The following PPP2R5A variants were observed in gnomAD, a reference collection of about 807,000 sequenced individuals.
PPP2R5A encodes the protein protein phosphatase 2 regulatory subunit B'alpha, also known as serine/threonine-protein phosphatase 2A 56 kDa regulatory subunit alpha isoform.
Under a neutral mutation model 64.2 loss-of-function variants are expected in PPP2R5A, and 25 were observed. The ratio of observed to expected loss-of-function variants is 0.39; its 90% CI spans 0.28 to 0.54. The LOEUF is 0.54. Among genes scored for constraint, PPP2R5A ranks in the 20% least tolerant of loss-of-function variants. The probability of loss-of-function intolerance (pLI) is 0.67; values close to 1 mark genes in which losing one functional copy is unlikely to be tolerated. For synonymous variants in PPP2R5A, 198 were observed against 201.2 expected (o/e 0.98, Z 0.13); for missense variants, 425 against 576.3 (o/e 0.74, Z 2.69).
At chr1:212,358,616 G>A in intron 11 of PPP2R5A, 70 bp from the exon 12 acceptor site, 1 of 1,141,836 alleles carries the variant, frequency 8.8e-7, no homozygotes, top group Admixed American at 2.1e-5. Context: ...ACCCATTTTA[G>A]AGACCATAGT....
At chr1:212,339,802 A>G (rs1390955783) in intron 3 of PPP2R5A, among the ~76,000 whole-genome samples, 2 of 152,110 alleles carry the variant, frequency 1.3e-5, no homozygotes, top group Non-Finnish European at 2.9e-5. Flanking sequence ...CTTAAACCCT[A>G]TATTTCTGAT....
At chr1:212,292,183 C>T (rs1039900638) in intron 1 of PPP2R5A, among the ~76,000 whole-genome samples, 3 of 152,142 alleles carry the variant, frequency 2.0e-5, no homozygotes, top group African/African-American at 7.2e-5. Flanking sequence ...AACTTTTTAT[C>T]GAAGGCAGGG....
At chr1:212,318,193 G>A (rs1659196012) in intron 1 of PPP2R5A, among the ~76,000 whole-genome samples, 1 of 152,122 alleles carries the variant, frequency 6.6e-6, no homozygotes, top group Admixed American at 6.5e-5. Flanking sequence ...TCAAGTGGCA[G>A]TCATAATAAA....
At chr1:212,360,303 T>A (rs527336266) in intron 12 of PPP2R5A, among the ~76,000 whole-genome samples, 1 of 152,314 alleles carries the variant, frequency 6.6e-6, no homozygotes, top group South Asian at 2.1e-4. Flanking sequence ...TTTGTAATAC[T>A]GATTAGACTA....
chr1:212,341,102 TA>T (rs940723381), intron 3 of PPP2R5A, among the ~76,000 whole-genome samples: 2 of 151,718 alleles, frequency 1.3e-5, no homozygotes, highest in East Asian at 1.9e-4. Context: ...TAGGTTACAA[TA>T]AAAAAAAACT....
chr1:212,316,446 C>T (rs950181655), intron 1 of PPP2R5A, among the ~76,000 whole-genome samples: 1 of 152,142 alleles, frequency 6.6e-6, no homozygotes, highest in Admixed American at 6.5e-5. Context: ...AATGCCCTTC[C>T]TGAACCTCTG....
rs1558153730 is a variant in PPP2R5A, at chr1:212,348,371, GC to G, written c.765-16del. 6.6e-7 allele frequency: 1 copy of G among 1,515,462 alleles called. No homozygotes were observed. The highest frequency in any genetic ancestry group is 9.2e-7 in the Non-Finnish European group (1 of 1,092,578). The allele number at this position is 1,515,462 out of a possible 1,614,324, so 93.9% of individuals were successfully genotyped here. ...GTAGTAACTACTTAACCCTTCCCCT[GC>G]CTTTTTTTCCCTCCAGTATTATCAA... On this transcript the variant is annotated splice_polypyrimidine_tract_variant and intron_variant, in intron 6 of 12. Transcript: ENST00000261461.
At chr1:212,290,130 G>A (rs901359127) in intron 1 of PPP2R5A, among the ~76,000 whole-genome samples, 2 of 152,110 alleles carry the variant, frequency 1.3e-5, no homozygotes, top group South Asian at 2.1e-4. Flanking sequence ...ATTCTTTGTT[G>A]GTCCATTCTT....
In PPP2R5A at chr1:212,343,865, T is replaced by C. The variant is rs151150884; in HGVS notation, c.573+1585T>C. ...AGAGCTTGAGGTATTTAAGCTGCTG[T>C]ATTATTTTGTGGTGTGAGGGGAGCA... On this transcript the variant is annotated intron_variant, in intron 4 of 12. Coordinates refer to ENST00000261461, the MANE Select transcript of PPP2R5A (RefSeq NM_006243.4). Among the ~76,000 whole-genome samples, 4 of 152,304 alleles carry C rather than the reference T, an allele frequency of 2.6e-5. No individual in the cohort carries two copies. The East Asian group carries it at 7.7e-4, about 29-fold the overall frequency.
At chr1:212,353,086 C>CAT in intron 8 of PPP2R5A, 1 of 409,984 alleles carries the variant, frequency 2.4e-6, no homozygotes, top group Non-Finnish European at 4.8e-6. Context: ...AGTTGAGTCT[C>CAT]ATATAAAGTG....
At chr1:212,347,985 T>C (rs1363685792) in intron 6 of PPP2R5A, among the ~76,000 whole-genome samples, 1 of 152,200 alleles carries the variant, frequency 6.6e-6, no homozygotes, top group East Asian at 1.9e-4. Flanking sequence ...AGAAAATGAT[T>C]GTGGAGAGAA....
intron 8 of PPP2R5A, among the ~76,000 whole-genome samples, chr1:212,351,960 ATT>A (rs1659889104): frequency 7.1e-6 from 1 of 141,754 alleles, no homozygotes; most frequent in South Asian, 2.4e-4. Context: ...TAATTTTTTT[ATT>A]TTTCTTTTTT....
chr1:212,350,152 G>A (rs1239721925), intron 8 of PPP2R5A, among the ~76,000 whole-genome samples: 1 of 152,092 alleles, frequency 6.6e-6, no homozygotes, highest in African/African-American at 2.4e-5. Flanking sequence ...TATCCGTAGG[G>A]ATGCTTGAAA....
At chr1:212,330,366 A>C (rs1460763050) in intron 2 of PPP2R5A, among the ~76,000 whole-genome samples, 1 of 151,734 alleles carries the variant, frequency 6.6e-6, no homozygotes, top group South Asian at 2.1e-4. Flanking sequence ...CCATCTCTAC[A>C]AAAAGTACTA....
chr1:212,327,123 C>A (rs974597858), intron 1 of PPP2R5A, among the ~76,000 whole-genome samples: 1 of 152,126 alleles, frequency 6.6e-6, no homozygotes, highest in African/African-American at 2.4e-5. Flanking sequence ...AGGTTATCAT[C>A]TTTATGAAGA....
At chr1:212,342,514 A>G (rs907252226) in intron 4 of PPP2R5A, among the ~76,000 whole-genome samples, 3 of 152,230 alleles carry the variant, frequency 2.0e-5, no homozygotes, top group Non-Finnish European at 4.4e-5. Context: ...ATCCTAAATT[A>G]TCATAGTTAT....
At chr1:212,333,335 A>G (rs1659539753) in intron 2 of PPP2R5A, among the ~76,000 whole-genome samples, 162 bp from the exon 3 acceptor site, 1 of 152,238 alleles carries the variant, frequency 6.6e-6, no homozygotes, top group African/African-American at 2.4e-5. Context: ...AAAGAGAGAA[A>G]CAAACACCTG....
At chr1:212,293,464 T>A (rs942901593) in intron 1 of PPP2R5A, among the ~76,000 whole-genome samples, 1 of 152,202 alleles carries the variant, frequency 6.6e-6, no homozygotes, top group East Asian at 1.9e-4. Context: ...TAACAAGGAA[T>A]CTAAATGCTT....
chr1:212,298,876 G>T (rs1238850068), intron 1 of PPP2R5A, among the ~76,000 whole-genome samples: 6 of 41,780 alleles, frequency 1.4e-4, no homozygotes, highest in African/African-American at 2.4e-4. Context: ...GCCAGGCGGG[G>T]GGCTGACCCC....
Sources: gnomAD v4.1 joint callset for allele counts (sites outside exome capture counted in the v4.1 genomes callset) on GRCh38, gnomAD v4.1.1 for gene constraint, MANE v1.5 for transcripts, NCBI Gene and HGNC (gene_info 2026-07-23, HGNC 2026-07-21) for gene names.